The following MSL1 variants were observed in gnomAD, a reference collection of about 807,000 sequenced individuals.
MSL1 encodes the protein male-specific lethal 1 homolog.
In MSL1, 21 loss-of-function variants were observed where a neutral mutation model predicts 64.6. The observed-to-expected ratio is 0.33, with a 90% confidence interval of 0.23 to 0.47. MSL1 has a LOEUF of 0.47. Among genes scored for constraint, MSL1 ranks in the 20% least tolerant of loss-of-function variants. The pLI is 1.00. For missense variants in MSL1, 664 were observed against 793.2 expected (o/e 0.84, Z 1.96); for synonymous variants, 339 against 329.6 (o/e 1.03, Z -0.31).
chr17:40,123,086 G>T lies in MSL1; in HGVS notation c.474G>T (p.Gly158=). The T allele has an allele frequency of 6.5e-7, 1 of 1,530,046 alleles. No individual in the cohort carries two copies. Among genetic ancestry groups the T allele is most frequent in the South Asian group, 1.2e-5 (1 of 83,716 alleles). The allele number at this position is 1,530,046 out of a possible 1,614,324, so 94.8% of individuals were successfully genotyped here. A position where few individuals can be genotyped will look rare whatever the true frequency, so the allele number is the denominator to read the frequency against. Residue 158 remains glycine (G), a synonymous_variant, in exon 1 of 9, where the codon GGG becomes GGT. Transcript: ENST00000398532. The part of the protein sequence containing the change: ...EPTPWAGDKG[G]AASPAATASD... Reference sequence around the variant, plus strand: ...CGCCCTGGGCTGGGGACAAGGGTGGGGCGGCCTCCCCCGCTGCCACCGCCT... The same window carrying T: ...CGCCCTGGGCTGGGGACAAGGGTGGTGCGGCCTCCCCCGCTGCCACCGCCT...
Position 40,123,141 on chromosome 17 carries a change from C to T in MSL1, c.529C>T (p.Leu177=), listed in dbSNP as rs1988229412. The change falls in exon 1 of 9, where the codon CTG becomes TTG. Residue 177 remains leucine, a synonymous_variant. Coordinates refer to ENST00000398532, the MANE Select transcript of MSL1 (RefSeq NM_001365919.1). The part of the protein sequence containing the change: ...SDPAGPPPLP[L]PGPPPLAPTA... ...CCCGGCGGGACCCCCACCACTACCT[C>T]TGCCCGGGCCGCCACCCCTCGCGCC... 31 of 1,533,574 alleles carry T rather than the reference C, an allele frequency of 2.0e-5. No individual in the cohort carries two copies. Among genetic ancestry groups the T allele is most frequent in the South Asian group, 3.6e-5 (3 of 83,924 alleles). 95.0% of individuals were successfully genotyped at this position (1,533,574 alleles called of 1,614,324 possible).
At chr17:40,130,686 C>G (rs184730931) in intron 3 of MSL1, among the ~76,000 whole-genome samples, 2 of 152,290 alleles carry the variant, frequency 1.3e-5, no homozygotes, top group Admixed American at 6.5e-5. Flanking sequence ...GATCTAACCT[C>G]TATTAGGCCT....
Position 40,136,485 on chromosome 17 carries a change from G to T in MSL1, c.*2116G>T, listed in dbSNP as rs575700279. 6.6e-6 allele frequency: 1 copy of T among 152,250 alleles called. No homozygotes were observed. The highest frequency in any genetic ancestry group is 2.1e-4 in the South Asian group (1 of 4,824). 9.4% of individuals were successfully genotyped at this position (152,250 alleles called of 1,614,324 possible). A position where few individuals can be genotyped will look rare whatever the true frequency, so the allele number is the denominator to read the frequency against. ...GCAAAATTACAGTGTGTTAGAGTGT[G>T]GGGGGAAAATTAGTCTTATTTTTCC... is the stretch of plus-strand genomic sequence containing the variant. On this transcript the variant is annotated 3_prime_UTR_variant, in exon 9 of 9. Coordinates refer to ENST00000398532, the MANE Select transcript of MSL1 (RefSeq NM_001365919.1).
At position 40,132,041 on chromosome 17, in the gene MSL1, T is replaced by G; in HGVS notation, c.1431T>G (p.Ser477=). Residue 477 remains serine (S), a synonymous_variant, in exon 5 of 9, where the codon TCT becomes TCG. Transcript: ENST00000398532. ...AGETSVLAVP[S]WRDHSVEPLR... Reference sequence around the variant, plus strand: ...CTCTCTCTTTTTTTTCAGTTCCTTCTTGGAGGGACCACTCAGTAGAGCCTC... The same window carrying G: ...CTCTCTCTTTTTTTTCAGTTCCTTCGTGGAGGGACCACTCAGTAGAGCCTC... 1 of 1,595,226 alleles carries G rather than the reference T, an allele frequency of 6.3e-7. No individual in the cohort carries two copies.
At chr17:40,128,561 T>C (rs1197405359) in intron 2 of MSL1, among the ~76,000 whole-genome samples, 5 of 150,964 alleles carry the variant, frequency 3.3e-5, no homozygotes, top group Admixed American at 3.3e-4. Context: ...TTTTTTTTTT[T>C]AGTAGAGACG....
At chr17:40,128,551 T>C (rs1428894420) in intron 2 of MSL1, among the ~76,000 whole-genome samples, 3 of 144,874 alleles carry the variant, frequency 2.1e-5, no homozygotes, top group Non-Finnish European at 3.0e-5. Flanking sequence ...ATTTTTGTAT[T>C]TTTTTTTTTT....
In MSL1 at chr17:40,126,192, C is replaced by G; in HGVS notation, c.778C>G (p.Arg260Gly). The change falls in exon 2 of 9, where the codon CGG (arginine) becomes GGG (glycine). Residue 260 changes from arginine to glycine, a missense_variant. Around this residue, in one of 4 missense-constraint regions of MSL1, gnomAD observed 466 missense variants for 499.0 expected, o/e 0.93. Coordinates refer to ENST00000398532, the MANE Select transcript of MSL1 (RefSeq NM_001365919.1). ...CTACTCTCTCTTTTAGCTCCTTGCT[C>G]GGATTGAACGTATGGAAAGGCGGAT... is the stretch of plus-strand genomic sequence containing the variant. ...LKSERDTLLA[R>G]IERMERRMQL... The G allele has an allele frequency of 6.2e-7, 1 of 1,613,912 alleles. No individual in the cohort carries two copies. The highest frequency in any genetic ancestry group is 8.5e-7 in the Non-Finnish European group (1 of 1,179,878).
chr17:40,129,485 C>G lies in MSL1; in HGVS notation c.1233C>G (p.Pro411=), dbSNP rs370532515. The G allele has an allele frequency of 3.5e-4, 572 of 1,613,944 alleles. No individual in the cohort carries two copies. The highest frequency in any genetic ancestry group is 6.5e-4 in the Admixed American group (39 of 60,012). The part of the protein sequence containing the change: ...STPQKGPSTH[P]KEKAFSSEIE... ...CCCAAAAGGGACCCAGCACCCATCC[C>G]AAGGAGAAAGCCTTCTCAAGTGAGA... Residue 411 remains proline, a synonymous_variant, in exon 3 of 9, where the codon CCC becomes CCG. Transcript: ENST00000398532.
In MSL1 at chr17:40,129,578, A is replaced by G; in HGVS notation, c.1326A>G (p.Ser442=). 2 of 1,612,786 alleles carry G rather than the reference A, an allele frequency of 1.2e-6. No homozygotes were observed. Among genetic ancestry groups the G allele is most frequent in the Non-Finnish European group, 1.7e-6 (2 of 1,179,502 alleles). The change falls in exon 3 of 9, where the codon TCA becomes TCG. Residue 442 remains serine, a synonymous_variant. Transcript: ENST00000398532. ...GTCGTTGGCACCAGCCTCCCCCATCACCGTTACCATTACGGGAATCCTCTC... is the reference window on the plus strand; with the variant it reads ...GTCGTTGGCACCAGCCTCCCCCATCGCCGTTACCATTACGGGAATCCTCTC... The part of the protein sequence containing the change: ...YLCRWHQPPP[S]PLPLRESSPK...
rs1375445836 is a variant in MSL1, at chr17:40,122,848, G to A, written c.236G>A (p.Arg79Gln). 9.4e-6 allele frequency: 13 copies of A among 1,385,482 alleles called. No individual in the cohort carries two copies. Among genetic ancestry groups the A allele is most frequent in the Non-Finnish European group, 1.0e-5 (11 of 1,079,930 alleles). 85.8% of individuals were successfully genotyped at this position (1,385,482 alleles called of 1,614,324 possible). A position where few individuals can be genotyped will look rare whatever the true frequency, so the allele number is the denominator to read the frequency against. The change falls in exon 1 of 9, where the codon CGG becomes CAG. Residue 79 changes from arginine (R) to glutamine (Q), a missense_variant. Transcript: ENST00000398532. The surrounding 1 kb of genome is among the most constrained non-coding windows in gnomAD (Gnocchi z 4.2). ...CCGGCCGGCTGCGGCGGCAAGGGCC[G>A]GGGCTTGTTACTCCCGGCCGGGGCG... ...PSPAGCGGKG[R>Q]GLLLPAGAAP... is the part of the protein sequence containing the mutation.
chr17:40,134,074 AG>A (rs1368168997), intron 8 of MSL1, among the ~76,000 whole-genome samples, 175 bp downstream of exon 8: 1 of 152,194 alleles, frequency 6.6e-6, no homozygotes, highest in Non-Finnish European at 1.5e-5. Flanking sequence ...GCCAATAATT[AG>A]GAGTATTGCT....
At position 40,122,661 on chromosome 17, in the gene MSL1, G is replaced by A. The variant is rs544160542; in HGVS notation, c.49G>A (p.Gly17Ser). The change falls in exon 1 of 9, where the codon GGC (glycine) becomes AGC (serine). Residue 17 changes from glycine to serine, a missense_variant. Coordinates refer to ENST00000398532, the MANE Select transcript of MSL1 (RefSeq NM_001365919.1). The surrounding 1 kb of genome is among the most constrained non-coding windows in gnomAD (Gnocchi z 4.2). The part of the protein sequence containing the change: ...VFKAAAAPAG[G>S]NPEQRLDYER... ...CAAGGCGGCCGCGGCCCCTGCCGGCGGCAATCCTGAGCAGCGACTGGACTA... is the reference window on the plus strand; with the variant it reads ...CAAGGCGGCCGCGGCCCCTGCCGGCAGCAATCCTGAGCAGCGACTGGACTA... 1.3e-6 allele frequency: 2 copies of A among 1,492,796 alleles called. No individual in the cohort carries two copies. The highest frequency in any genetic ancestry group is 1.3e-5 in the South Asian group (1 of 79,868). 92.5% of individuals were successfully genotyped at this position (1,492,796 alleles called of 1,614,324 possible).
At chr17:40,133,200 G>T (rs1253238963) in intron 6 of MSL1, 91 bp downstream of exon 6, 9 of 1,124,528 alleles carry the variant, frequency 8.0e-6, no homozygotes, top group Non-Finnish European at 1.0e-5. Context: ...TTCATGCTGT[G>T]GAGAATCTTG....
At position 40,129,460 on chromosome 17, in the gene MSL1, C is replaced by G; in HGVS notation, c.1208C>G (p.Pro403Arg). 6.2e-7 allele frequency: 1 copy of G among 1,613,830 alleles called. No homozygotes were observed. The highest frequency in any genetic ancestry group is 8.5e-7 in the Non-Finnish European group (1 of 1,179,856). Residue 403 changes from proline to arginine, a missense_variant, in exon 3 of 9, where the codon CCC becomes CGC. This residue lies in a region of MSL1 where 119 missense variants were observed against 164.3 expected (regional missense o/e 0.72). Coordinates refer to ENST00000398532, the MANE Select transcript of MSL1 (RefSeq NM_001365919.1). ...GACACCCCACCAAGACTCTCCACTC[C>G]CCAAAAGGGACCCAGCACCCATCCC... ...SVDTPPRLSTPQKGPSTHPKE... is the reference protein window; with the variant it reads ...SVDTPPRLSTRQKGPSTHPKE...
In MSL1 at chr17:40,133,878, C is replaced by A. The variant is rs756300093; in HGVS notation, c.1733C>A (p.Pro578Gln). 23 of 1,613,772 alleles carry A rather than the reference C, an allele frequency of 1.4e-5. No homozygotes were observed. The highest frequency in any genetic ancestry group is 1.9e-5 in the Non-Finnish European group (22 of 1,179,812). Residue 578 changes from proline (P) to glutamine (Q), a missense_variant, in exon 8 of 9, where the codon CCA (proline) becomes CAA (glutamine). This residue lies in a region of MSL1 where 76 missense variants were observed against 98.5 expected (regional missense o/e 0.77). Coordinates refer to ENST00000398532, the MANE Select transcript of MSL1 (RefSeq NM_001365919.1). ...PFLPVVAFGR[P>Q]LPKLTPQNFE... ...TTGCCTGTTGTAGCATTTGGACGACCATTACCAAAATTAACTCCACAGTAA... is the reference window on the plus strand; with the variant it reads ...TTGCCTGTTGTAGCATTTGGACGACAATTACCAAAATTAACTCCACAGTAA...
intron 2 of MSL1, among the ~76,000 whole-genome samples, chr17:40,127,594 A>C (rs1218264536): frequency 1.3e-5 from 2 of 152,024 alleles, no homozygotes; most frequent in African/African-American, 4.8e-5. Flanking sequence ...TGATCCTCCT[A>C]CTTCAGCCTC....
Position 40,122,544 on chromosome 17 carries a change from G to C in MSL1, c.-69G>C. On this transcript the variant is annotated 5_prime_UTR_variant, in exon 1 of 9. Coordinates refer to ENST00000398532, the MANE Select transcript of MSL1 (RefSeq NM_001365919.1). This position sits in a 1 kb window ranked among gnomAD's most constrained non-coding sequence, Gnocchi z 4.2. ...ACTCCCCTCCCCCCCCTCAGTCCTC[G>C]ACCCCCCGCACCTCGCCCCTTCCCC... is the stretch of plus-strand genomic sequence containing the variant. 2.7e-6 allele frequency: 3 copies of C among 1,092,116 alleles called. No individual in the cohort carries two copies. The highest frequency in any genetic ancestry group is 2.7e-5 in the South Asian group (1 of 37,342). The allele number at this position is 1,092,116 out of a possible 1,614,324, so 67.7% of individuals were successfully genotyped here.
intron 2 of MSL1, among the ~76,000 whole-genome samples, chr17:40,127,046 TA>T (rs1988333682): frequency 6.6e-6 from 1 of 151,946 alleles, no homozygotes; most frequent in Admixed American, 6.6e-5. Context: ...CATAGAAAAG[TA>T]AAATACAGGC....
chr17:40,126,335 G>A lies in MSL1; in HGVS notation c.921G>A (p.Glu307=). 6.2e-7 allele frequency: 1 copy of A among 1,614,002 alleles called. No homozygotes were observed. The highest frequency in any genetic ancestry group is 1.1e-5 in the South Asian group (1 of 91,082). Residue 307 remains glutamate, a synonymous_variant, in exon 2 of 9, where the codon GAG becomes GAA. Transcript: ENST00000398532. ...SEKIKLECQP[E]LSETSQTLPP... ...AAATTAAACTGGAGTGCCAGCCGGA[G>A]CTTTCCGAGACATCCCAGACTCTGC... is the stretch of plus-strand genomic sequence containing the variant.
Sources: gnomAD v4.1 joint callset for allele counts (sites outside exome capture counted in the v4.1 genomes callset) on GRCh38, gnomAD v4.1.1 for gene constraint, gnomAD v4.1.1 regional missense constraint, Gnocchi (gnomAD v3.1) non-coding constraint, MANE v1.5 for transcripts, NCBI Gene and HGNC (gene_info 2026-07-23, HGNC 2026-07-21) for gene names.